Variants in CERS3 observed in about 807,000 individuals in gnomAD.
CERS3 encodes LAG1 homolog, ceramide synthase 3.
Under a neutral mutation model 50.3 loss-of-function variants are expected in CERS3, and 33 were observed. That is an observed-to-expected ratio of 0.66 (90% CI 0.50 to 0.88). The LOEUF is 0.88. Among genes scored for constraint, CERS3 ranks in the 40% least tolerant of loss-of-function variants. The probability of loss-of-function intolerance (pLI) is 0.00; values close to 1 mark genes in which losing one functional copy is unlikely to be tolerated. For missense variants in CERS3, 470 were observed against 460.3 expected, an observed-to-expected ratio of 1.02 and a Z score of -0.19; for synonymous variants, 176 against 155.2, an observed-to-expected ratio of 1.13 and a Z score of -0.99.
intron 2 of CERS3, among the ~76,000 whole-genome samples, chr15:100,520,337 G>A (rs2036605797): frequency 6.6e-6 from 1 of 152,164 alleles, no homozygotes; most frequent in African/African-American, 2.4e-5. Flanking sequence ...TCCTGCAAAT[G>A]TTAGGGGTAG....
chr15:100,471,237 CT>C (rs913358197), intron 9 of CERS3, among the ~76,000 whole-genome samples: 151 of 147,684 alleles, frequency 1.0e-3, no homozygotes, highest in African/African-American at 2.6e-3. Flanking sequence ...TCTTCTTCTT[CT>C]TTTTTTTTTA....
chr15:100,424,200 C>T (rs1196275884), intron 11 of CERS3, among the ~76,000 whole-genome samples: 2 of 152,160 alleles, frequency 1.3e-5, no homozygotes, highest in Non-Finnish European at 2.9e-5. Flanking sequence ...CTTGGCCTCC[C>T]AAAGTGCTGG....
intron 11 of CERS3, among the ~76,000 whole-genome samples, chr15:100,455,372 T>C (rs2034332023): frequency 1.3e-5 from 2 of 152,064 alleles, no homozygotes; most frequent in Non-Finnish European, 2.9e-5. Context: ...TACAGTTAGA[T>C]AAAAGGAATA....
At chr15:100,429,373 C>T (rs541731749) in intron 11 of CERS3, among the ~76,000 whole-genome samples, 3 of 152,222 alleles carry the variant, frequency 2.0e-5, no homozygotes, top group African/African-American at 4.8e-5. Flanking sequence ...AGGGGTATTA[C>T]GTAAGAAACA....
intron 1 of CERS3, among the ~76,000 whole-genome samples, chr15:100,526,198 G>A (rs377495433): frequency 5.3e-5 from 8 of 152,188 alleles, no homozygotes; most frequent in Admixed American, 1.3e-4. Flanking sequence ...TAAGTCAATC[G>A]TTTTTGTCCC....
chr15:100,453,238 A>T (rs2142189332), intron 11 of CERS3, among the ~76,000 whole-genome samples: 1 of 152,304 alleles, frequency 6.6e-6, no homozygotes, highest in South Asian at 2.1e-4. Context: ...TAACATAGAT[A>T]CAAAAATTCT....
intron 3 of CERS3, among the ~76,000 whole-genome samples, chr15:100,495,839 T>A (rs1203564126): frequency 6.6e-6 from 1 of 152,216 alleles, no homozygotes; most frequent in African/African-American, 2.4e-5. Flanking sequence ...ATATATAAAA[T>A]GACTTCTTAG....
intron 5 of CERS3, among the ~76,000 whole-genome samples, chr15:100,483,654 G>C (rs1017359828): frequency 2.0e-5 from 3 of 151,770 alleles, no homozygotes; most frequent in Non-Finnish European, 4.4e-5. Flanking sequence ...GAATGCAACA[G>C]CCATTCAAAC....
At chr15:100,459,634 G>A (rs147840568) in intron 10 of CERS3, among the ~76,000 whole-genome samples, 213 of 152,210 alleles carry the variant, frequency 1.4e-3, no homozygotes, top group African/African-American at 4.6e-3. Context: ...TATCCACTTA[G>A]AATAGCTAAA....
intron 2 of CERS3, chr15:100,503,611 C>A: frequency 6.7e-6 from 3 of 444,848 alleles, no homozygotes; most frequent in South Asian, 4.9e-5. Flanking sequence ...GGAAGGTATT[C>A]TCTCTAGGCA....
chr15:100,456,177 A>G (rs2034367557), intron 10 of CERS3, 131 bp from the exon 11 acceptor site: 2 of 555,664 alleles, frequency 3.6e-6, no homozygotes, highest in Non-Finnish European at 5.8e-6. Context: ...AAAATTATCA[A>G]AAGAAAAGAT....
At chr15:100,530,716 G>A (rs1408523035), upstream of CERS3, among the ~76,000 whole-genome samples, 4 of 152,126 alleles carry the variant, frequency 2.6e-5, no homozygotes, top group Non-Finnish European at 5.9e-5. Flanking sequence ...TCACTCCGGG[G>A]ATATCTCGGG....
chr15:100,434,038 G>A (rs891802907), intron 11 of CERS3, among the ~76,000 whole-genome samples: 7 of 152,258 alleles, frequency 4.6e-5, no homozygotes, highest in African/African-American at 1.7e-4. Context: ...TCAGGCCTCT[G>A]TGGAGAGCTA....
chr15:100,480,855 C>G (rs2654570), intron 5 of CERS3, among the ~76,000 whole-genome samples: 148,240 of 152,312 alleles, frequency 0.97, 72,224 homozygotes, highest in Non-Finnish European at 1. Context: ...CTGTGGTAGG[C>G]GAGAGGTGTA....
chr15:100,412,690 G>C (rs1346684384), intron 11 of CERS3, among the ~76,000 whole-genome samples: 1 of 152,098 alleles, frequency 6.6e-6, no homozygotes, highest in Non-Finnish European at 1.5e-5. Context: ...TTCAGAGCCA[G>C]ACACAAAAGT....
intron 11 of CERS3, among the ~76,000 whole-genome samples, chr15:100,442,206 T>C (rs2033711970): frequency 6.6e-6 from 1 of 152,196 alleles, no homozygotes; most frequent in African/African-American, 2.4e-5. Flanking sequence ...GCCCAGTTCA[T>C]GACTCGTTTG....
At chr15:100,414,414 A>G (rs2142066640) in intron 11 of CERS3, among the ~76,000 whole-genome samples, 1 of 152,320 alleles carries the variant, frequency 6.6e-6, no homozygotes. Flanking sequence ...TCTTCACAGA[A>G]TTAGAAAAAT....
chr15:100,419,703 G>A (rs1317087479), intron 11 of CERS3, among the ~76,000 whole-genome samples: 2 of 151,838 alleles, frequency 1.3e-5, no homozygotes, highest in Admixed American at 6.6e-5. Context: ...CTCAGCAAAT[G>A]TAAAAGAATA....
intron 5 of CERS3, among the ~76,000 whole-genome samples, chr15:100,480,414 T>G (rs142898063): frequency 1.3e-5 from 2 of 152,364 alleles, no homozygotes; most frequent in African/African-American, 4.8e-5. Context: ...ATATTAGCAT[T>G]ATCAGGAAGG....
Sources: allele counts gnomAD v4.1 joint callset (sites outside exome capture counted in the v4.1 genomes callset), GRCh38; gene constraint gnomAD v4.1.1; transcripts MANE v1.5; gene names NCBI Gene and HGNC (gene_info 2026-07-23, HGNC 2026-07-21).